KIF26B: variants seen among roughly 807,000 people sequenced by gnomAD.
KIF26B encodes kinesin family member 26B, also known as kinesin-like protein KIF26B.
KIF26B carries 63 observed loss-of-function variants against 151.2 expected under a neutral mutation model. That is an observed-to-expected ratio of 0.42 (90% CI 0.34 to 0.51). The LOEUF (loss-of-function observed/expected upper bound fraction) is 0.51. Ranked by LOEUF, KIF26B falls within the 20% of genes least tolerant of loss-of-function variation. The pLI is 0.07. For synonymous variants in KIF26B, 1,357 were observed against 1,262.1 expected, an observed-to-expected ratio of 1.08 and a Z score of -1.59; for missense variants, 2,813 against 2,913.6, an observed-to-expected ratio of 0.97 and a Z score of 0.79.
intron 2 of KIF26B, among the ~76,000 whole-genome samples, chr1:245,176,649 G>C (rs527753434): frequency 6.6e-6 from 1 of 152,150 alleles, no homozygotes; most frequent in Admixed American, 6.5e-5. Context: ...CAGTCTAAAG[G>C]CTTCTAGGAA....
chr1:245,184,093 G>GTTTTCC (rs1668961333), intron 2 of KIF26B, among the ~76,000 whole-genome samples: 1 of 24,652 alleles, frequency 4.1e-5, no homozygotes, highest in South Asian at 1.1e-3. Flanking sequence ...TATACCTGTG[G>GTTTTCC]TTTTCCTCCA....
intron 9 of KIF26B, among the ~76,000 whole-genome samples, chr1:245,616,754 A>T (rs1460796773): frequency 6.6e-6 from 1 of 152,184 alleles, no homozygotes; most frequent in African/African-American, 2.4e-5. Context: ...TTTGGATTTC[A>T]GATTTTTTGG....
chr1:245,156,757 A>C lies in KIF26B; in HGVS notation c.465+74A>C. 6 of 997,092 alleles carry C rather than the reference A, an allele frequency of 6.0e-6. 1 individual carries two copies. The highest frequency in any genetic ancestry group is 8.0e-6 in the Non-Finnish European group (6 of 751,084). The allele number at this position is 997,092 out of a possible 1,614,324, so 61.8% of individuals were successfully genotyped here. ...GGGCCGCCACCCACAGCAGCTGCTC[A>C]GCCCGCCGCGACCTTGCGCGCCGGC... On this transcript the variant is annotated intron_variant, in intron 2 of 14. Transcript: ENST00000407071.
At chr1:245,176,333 G>A (rs555426497) in intron 2 of KIF26B, among the ~76,000 whole-genome samples, 20 of 152,244 alleles carry the variant, frequency 1.3e-4, no homozygotes, top group African/African-American at 4.6e-4. Context: ...AAACATATTT[G>A]TTTAGGGAAA....
intron 2 of KIF26B, among the ~76,000 whole-genome samples, chr1:245,214,477 C>T (rs750631634): frequency 6.6e-6 from 1 of 152,196 alleles, no homozygotes; most frequent in African/African-American, 2.4e-5. Context: ...TAATAAATAA[C>T]ACATTACCAT....
At chr1:245,350,125 G>A (rs1279003599) in intron 2 of KIF26B, among the ~76,000 whole-genome samples, 1 of 152,030 alleles carries the variant, frequency 6.6e-6, no homozygotes, top group Non-Finnish European at 1.5e-5. Context: ...AGACTGCTGG[G>A]CTGGAGTTGT....
chr1:245,453,961 T>TG (rs1659455595), intron 4 of KIF26B, among the ~76,000 whole-genome samples: 1 of 152,214 alleles, frequency 6.6e-6, no homozygotes, highest in Admixed American at 6.5e-5. Flanking sequence ...AAGCAGGGCA[T>TG]GGGCCACAAA....
chr1:245,688,837 A>G (rs1282593155), intron 12 of KIF26B, 30 bp downstream of exon 12: 2 of 1,537,118 alleles, frequency 1.3e-6, no homozygotes, highest in Non-Finnish European at 1.8e-6. Context: ...GACGCGGGTG[A>G]GGAGGGCGGC....
chr1:245,156,659 C>A lies in KIF26B; in HGVS notation c.441C>A (p.Leu147=). Residue 147 remains leucine, a synonymous_variant, in exon 2 of 15, where the codon CTC becomes CTA. Transcript: ENST00000407071. The stretch of plus-strand genomic sequence containing the variant: ...TCAAGAGGCAGGCCCTGAGGTTGCT[C>A]CTCCCGGGGCCCTTCCCGGGCAAGG... ...VELKRQALRL[L]LPGPFPGKDP... is the part of the protein sequence containing the mutation. 2 of 1,503,836 alleles carry A rather than the reference C, an allele frequency of 1.3e-6. No homozygotes were observed. Among genetic ancestry groups the A allele is most frequent in the South Asian group, 2.5e-5 (2 of 81,368 alleles). 93.2% of individuals were successfully genotyped at this position (1,503,836 alleles called of 1,614,324 possible).
At chr1:245,362,636 A>G (rs1672851575) in intron 2 of KIF26B, among the ~76,000 whole-genome samples, 2 of 152,064 alleles carry the variant, frequency 1.3e-5, no homozygotes, top group Non-Finnish European at 2.9e-5. Flanking sequence ...CCTCTCTGAC[A>G]ATGGCTAATT....
intron 5 of KIF26B, among the ~76,000 whole-genome samples, chr1:245,580,892 A>G (rs983751530): frequency 1.2e-4 from 19 of 152,248 alleles, no homozygotes; most frequent in African/African-American, 4.6e-4. Context: ...TAATGGATGG[A>G]AAAGCTAAAG....
chr1:245,225,319 G>T (rs1383654972), intron 2 of KIF26B, among the ~76,000 whole-genome samples: 1 of 152,178 alleles, frequency 6.6e-6, no homozygotes, highest in African/African-American at 2.4e-5. Context: ...TTTGCCATAG[G>T]AAACTATTTC....
At chr1:245,201,863 C>T (rs563277527) in intron 2 of KIF26B, among the ~76,000 whole-genome samples, 1 of 152,296 alleles carries the variant, frequency 6.6e-6, no homozygotes, top group Non-Finnish European at 1.5e-5. Flanking sequence ...CACAGGAGTA[C>T]GACTGTATTT....
Position 245,352,879 on chromosome 1 carries a change from G to A in KIF26B, c.466-13955G>A, listed in dbSNP as rs772203818. Among the ~76,000 whole-genome samples, 1 of 152,004 alleles carries A rather than the reference G, an allele frequency of 6.6e-6. No individual in the cohort carries two copies. The highest frequency in any genetic ancestry group is 2.4e-5 in the African/African-American group (1 of 41,374). ...TGTGGTGGGCGTGGGTGGGTGTGTA[G>A]AGTAGGGAAAAGGTGAGAAGTGGCT... On this transcript the variant is annotated intron_variant, in intron 2 of 14. Coordinates refer to ENST00000407071, the MANE Select transcript of KIF26B (RefSeq NM_018012.4). The surrounding 1 kb of genome is among the most constrained non-coding windows in gnomAD (Gnocchi z 5.0).
At chr1:245,225,197 G>C (rs1669849879) in intron 2 of KIF26B, among the ~76,000 whole-genome samples, 1 of 152,242 alleles carries the variant, frequency 6.6e-6, no homozygotes, top group African/African-American at 2.4e-5. Flanking sequence ...CACAGGACTT[G>C]AGGTGGCAGT....
intron 3 of KIF26B, among the ~76,000 whole-genome samples, chr1:245,383,113 C>A (rs930219197): frequency 6.6e-6 from 1 of 151,696 alleles, no homozygotes; most frequent in Non-Finnish European, 1.5e-5. Flanking sequence ...TCAACCCACA[C>A]AGATTACTCA....
chr1:245,335,678 A>AGGGTCCCACGCGGGGAAAGAT (rs1672207235), intron 2 of KIF26B, among the ~76,000 whole-genome samples: 1 of 143,342 alleles, frequency 7.0e-6, no homozygotes, highest in African/African-American at 2.7e-5. Context: ...CGGGGAAAGA[A>AGGGTCCCACGCGGGGAAAGAT]GGGTCCCACG....
chr1:245,320,702 T>G (rs10924170), intron 2 of KIF26B, among the ~76,000 whole-genome samples: 2 of 151,844 alleles, frequency 1.3e-5, no homozygotes, highest in African/African-American at 4.8e-5. Context: ...TTTTGGTGGC[T>G]TAGTCTCCTC....
chr1:245,508,003 G>T (rs971431418), intron 4 of KIF26B, among the ~76,000 whole-genome samples: 2 of 152,128 alleles, frequency 1.3e-5, no homozygotes, highest in African/African-American at 4.8e-5. Flanking sequence ...GGAAGATCGG[G>T]TTCCAGATCT....
Sources: gnomAD v4.1 joint callset for allele counts (sites outside exome capture counted in the v4.1 genomes callset) on GRCh38, gnomAD v4.1.1 for gene constraint, Gnocchi (gnomAD v3.1) non-coding constraint, MANE v1.5 for transcripts, NCBI Gene and HGNC (gene_info 2026-07-23, HGNC 2026-07-21) for gene names.